Variants in CPEB3 observed in about 807,000 individuals in gnomAD.
CPEB3 encodes cytoplasmic polyadenylation element binding protein 3.
A neutral mutation model predicts 67.2 loss-of-function variants in CPEB3; 20 were observed. The ratio of observed to expected loss-of-function variants is 0.30; its 90% confidence interval spans 0.21 to 0.43. The LOEUF is 0.43. Ranked by LOEUF, CPEB3 falls within the 20% of genes least tolerant of loss-of-function variation. The pLI is 1.00. For missense variants in CPEB3, 746 were observed against 968.6 expected (o/e 0.77, Z 3.05); for synonymous variants, 376 against 393.1 (o/e 0.96, Z 0.51).
chr10:92,051,506 A>G lies in CPEB3; in HGVS notation c.*706T>C, dbSNP rs1477252210. The G allele has an allele frequency of 6.6e-6, 1 of 152,604 alleles. No individual in the cohort carries two copies. The highest frequency in any genetic ancestry group is 1.5e-5 in the Non-Finnish European group (1 of 68,038). The allele number at this position is 152,604 out of a possible 1,614,324, so 9.5% of individuals were successfully genotyped here. A position where few individuals can be genotyped will look rare whatever the true frequency, so the allele number is the denominator to read the frequency against. ...AATAGAGTATTATGGTATTAATAAT[A>G]CCATTTTAATAGCAGCAAAAGCTAT... On this transcript the variant is annotated 3_prime_UTR_variant, in exon 10 of 10. Coordinates refer to ENST00000265997, the MANE Select transcript of CPEB3 (RefSeq NM_014912.5).
intron 7 of CPEB3, 66 bp from the exon 8 acceptor site, chr10:92,092,010 C>A: frequency 1.0e-6 from 1 of 963,810 alleles, no homozygotes; most frequent in Middle Eastern, 2.1e-4. Flanking sequence ...AATAAGATGA[C>A]TAAAGACAAA....
chr10:92,213,207 A>C (rs1161612735), intron 2 of CPEB3, among the ~76,000 whole-genome samples: 1 of 151,536 alleles, frequency 6.6e-6, no homozygotes, highest in Non-Finnish European at 1.5e-5. Context: ...ATCCTAAGAC[A>C]CTCCTTCTTC....
At chr10:92,226,795 G>A (rs910944340) in intron 2 of CPEB3, among the ~76,000 whole-genome samples, 11 of 151,510 alleles carry the variant, frequency 7.3e-5, no homozygotes, top group Non-Finnish European at 8.8e-5. Context: ...CAGAGTGGGG[G>A]CTCAGGGAGG....
intron 1 of CPEB3, among the ~76,000 whole-genome samples, chr10:92,275,845 CTTTTTTTT>C (rs909549413): frequency 3.2e-5 from 3 of 92,978 alleles, no homozygotes; most frequent in African/African-American, 1.1e-4. Flanking sequence ...TCATTCTTTT[CTTTTTTTT>C]TTTTTTTTTT....
chr10:92,060,079 G>A (rs1842281068), intron 9 of CPEB3, among the ~76,000 whole-genome samples: 2 of 152,012 alleles, frequency 1.3e-5, no homozygotes, highest in Admixed American at 1.3e-4. Flanking sequence ...ACCCTCAGCT[G>A]AATGCAGTGG....
At position 92,074,094 on chromosome 10, in the gene CPEB3, A is replaced by ATTT. The variant is rs72419060; in HGVS notation, c.1869+7223_1869+7225dup. 3.3e-5 allele frequency among the ~76,000 whole-genome samples: 5 copies of ATTT among 151,116 alleles called. No individual in the cohort carries two copies. The South Asian group carries it at 8.4e-4, about 25-fold the overall frequency. ...ATCTGAGCCACCTCTCTTTTTAACTATTTTTTTTTAATTAAAAAAATGGTT... is the reference window on the plus strand; with the variant it reads ...ATCTGAGCCACCTCTCTTTTTAACTATTTTTTTTTTTTAATTAAAAAAATGGTT... On this transcript the variant is annotated intron_variant, in intron 9 of 9. Transcript: ENST00000265997.
At chr10:92,146,714 C>T (rs1480313225) in intron 4 of CPEB3, among the ~76,000 whole-genome samples, 8 of 152,158 alleles carry the variant, frequency 5.3e-5, no homozygotes, top group African/African-American at 7.2e-5. Flanking sequence ...CAGTTTTCCC[C>T]AGCTTAGCTA....
At chr10:92,152,856 C>A (rs1847027110) in intron 4 of CPEB3, among the ~76,000 whole-genome samples, 1 of 152,114 alleles carries the variant, frequency 6.6e-6, no homozygotes, top group African/African-American at 2.4e-5. Context: ...ACAAGAGTGA[C>A]CACTGAACAG....
intron 4 of CPEB3, among the ~76,000 whole-genome samples, chr10:92,169,761 C>T (rs1301097279): frequency 6.6e-6 from 1 of 152,196 alleles, no homozygotes; most frequent in Non-Finnish European, 1.5e-5. Flanking sequence ...TACTGGGGGG[C>T]CATTACTTTA....
chr10:92,164,917 T>C (rs572217701), intron 4 of CPEB3, among the ~76,000 whole-genome samples: 3 of 152,312 alleles, frequency 2.0e-5, no homozygotes, highest in African/African-American at 7.2e-5. Context: ...TATTGTTTTC[T>C]ACTAATTATT....
intron 4 of CPEB3, among the ~76,000 whole-genome samples, chr10:92,150,812 T>G (rs1215626185): frequency 6.6e-6 from 1 of 152,150 alleles, no homozygotes; most frequent in Non-Finnish European, 1.5e-5. Flanking sequence ...CCACATTACT[T>G]ATCAAAAAAT....
chr10:92,201,634 C>A (rs1049142542), intron 2 of CPEB3, among the ~76,000 whole-genome samples: 2 of 152,144 alleles, frequency 1.3e-5, no homozygotes, highest in Admixed American at 6.6e-5. Flanking sequence ...GTTGATGTCA[C>A]CCCAAATCAT....
chr10:92,278,793 A>C (rs1436394825), intron 1 of CPEB3, among the ~76,000 whole-genome samples: 1 of 150,736 alleles, frequency 6.6e-6, no homozygotes, highest in Non-Finnish European at 1.5e-5. Flanking sequence ...TAGAGACAGG[A>C]TTTCACCATG....
Position 92,276,140 on chromosome 10 carries a change from G to A in CPEB3, c.-12+14786C>T, listed in dbSNP as rs539678723. Among the ~76,000 whole-genome samples the A allele has an allele frequency of 3.9e-5, 6 of 151,986 alleles. No individual in the cohort carries two copies. In the South Asian group the frequency reaches 1.2e-3, roughly 32 times the overall value. On this transcript the variant is annotated intron_variant, in intron 1 of 9. Coordinates refer to ENST00000265997, the MANE Select transcript of CPEB3 (RefSeq NM_014912.5). The stretch of plus-strand genomic sequence containing the variant: ...TGGGATTACAGGTGTGAGCCACCAC[G>A]CCCGGCATTTCATTCTTTTTCATTA...
intron 9 of CPEB3, among the ~76,000 whole-genome samples, chr10:92,075,125 T>A (rs1220225417): frequency 6.6e-6 from 1 of 152,206 alleles, no homozygotes; most frequent in African/African-American, 2.4e-5. Flanking sequence ...TGGCTGGACA[T>A]GCCACAGCAA....
chr10:92,218,953 A>G (rs749293727), intron 2 of CPEB3, among the ~76,000 whole-genome samples: 1 of 152,056 alleles, frequency 6.6e-6, no homozygotes, highest in Non-Finnish European at 1.5e-5. Context: ...TTTTCTATAT[A>G]TCTTTTTATA....
At chr10:92,134,833 A>C (rs768461426) in intron 6 of CPEB3, among the ~76,000 whole-genome samples, 11 of 151,952 alleles carry the variant, frequency 7.2e-5, no homozygotes, top group Non-Finnish European at 1.6e-4. Context: ...CCAATGGAAT[A>C]GAACAGAGGC....
intron 9 of CPEB3, 109 bp from the exon 10 acceptor site, chr10:92,052,548 T>C: frequency 2.3e-6 from 2 of 875,554 alleles, no homozygotes; most frequent in Admixed American, 2.3e-5. Context: ...AATCAGACGC[T>C]GCTTTCAACT....
intron 8 of CPEB3, among the ~76,000 whole-genome samples, chr10:92,085,153 G>A (rs985475476): frequency 2.6e-5 from 4 of 152,192 alleles, no homozygotes; most frequent in Admixed American, 2.6e-4. Flanking sequence ...GGGTAGCAGA[G>A]CAGGGCATAG....
Sources: gnomAD v4.1 joint callset for allele counts (sites outside exome capture counted in the v4.1 genomes callset) on GRCh38, gnomAD v4.1.1 for gene constraint, MANE v1.5 for transcripts, NCBI Gene and HGNC (gene_info 2026-07-23, HGNC 2026-07-21) for gene names.